The following ANKRD16 variants were observed in gnomAD, a reference collection of about 807,000 sequenced individuals.
ANKRD16 encodes the protein ankyrin repeat domain-containing protein 16.
ANKRD16 carries 35 observed loss-of-function variants against 37.9 expected under a neutral mutation model. That is an observed-to-expected ratio of 0.92 (90% confidence interval 0.71 to 1.23). The LOEUF (loss-of-function observed/expected upper bound fraction) is 1.23. Among genes scored for constraint, ANKRD16 ranks in the 50% most tolerant of loss-of-function variants. ANKRD16 has a pLI of 0.00. For missense variants in ANKRD16, 480 were observed against 469.9 expected, an observed-to-expected ratio of 1.02 and a Z score of -0.20; for synonymous variants, 206 against 197.2, an observed-to-expected ratio of 1.04 and a Z score of -0.37.
chr10:5,881,438 T>TTATAAAAATATATATATATATATA (rs1422263395), intron 5 of ANKRD16, among the ~76,000 whole-genome samples: 12 of 51,018 alleles, frequency 2.4e-4, no homozygotes, highest in South Asian at 6.2e-4. Flanking sequence ...AAAATATTAT[T>TTATAAAAATATATATATATATATA]TATATATATA....
chr10:5,870,744 C>T lies in ANKRD16; in HGVS notation c.*33+7353G>A, dbSNP rs1431054079. On this transcript the variant is annotated intron_variant, in intron 7 of 7. Transcript: ENST00000380094. This position sits in a 1 kb window ranked among gnomAD's most constrained non-coding sequence, Gnocchi z 5.0. ...CAGGGTGTCACTCCCCTTCAGGATGCTTTGGGCCTTCCAGAGTAGGAAGAG... is the reference window on the plus strand; with the variant it reads ...CAGGGTGTCACTCCCCTTCAGGATGTTTTGGGCCTTCCAGAGTAGGAAGAG... Among the ~76,000 whole-genome samples, 2 of 152,152 alleles carry T rather than the reference C, an allele frequency of 1.3e-5. No homozygotes were observed. The highest frequency in any genetic ancestry group is 4.8e-5 in the African/African-American group (2 of 41,422).
intron 7 of ANKRD16, among the ~76,000 whole-genome samples, chr10:5,872,750 A>T (rs147327944): frequency 1.8e-4 from 27 of 151,294 alleles, no homozygotes; most frequent in Non-Finnish European, 2.8e-4. Flanking sequence ...TAGAGACGGG[A>T]TTTCACCGTG....
chr10:5,866,854 G>A lies in ANKRD16; in HGVS notation c.*34-4163C>T, dbSNP rs1420035187. 2.0e-5 allele frequency among the ~76,000 whole-genome samples: 3 copies of A among 151,750 alleles called. 1 individual carries two copies. The highest frequency in any genetic ancestry group is 4.2e-4 in the South Asian group (2 of 4,798). Reference sequence around the variant, plus strand: ...GACAGAGAGAGGAAGAGACAGAGAGGCTGAAAGTCAAAGAGAGAAGGAGAG... The same window carrying A: ...GACAGAGAGAGGAAGAGACAGAGAGACTGAAAGTCAAAGAGAGAAGGAGAG... On this transcript the variant is annotated intron_variant, in intron 7 of 7. Coordinates refer to ENST00000380094, the MANE Select transcript of ANKRD16 (RefSeq NM_019046.3). This position sits in a 1 kb window ranked among gnomAD's most constrained non-coding sequence, Gnocchi z 4.3.
chr10:5,879,185 C>A (rs1842239797), intron 6 of ANKRD16, among the ~76,000 whole-genome samples: 1 of 151,930 alleles, frequency 6.6e-6, no homozygotes, highest in Admixed American at 6.6e-5. Context: ...TCAGAAAGAT[C>A]CCACTAGGCC....
At chr10:5,888,986 C>T (rs970409732) in intron 1 of ANKRD16, 55 bp downstream of exon 1, 26 of 1,462,334 alleles carry the variant, frequency 1.8e-5, no homozygotes, top group Non-Finnish European at 2.3e-5. Context: ...ACAGGGAACT[C>T]GCTACGACTC....
At position 5,869,980 on chromosome 10, in the gene ANKRD16, A is replaced by C. The variant is rs866160280; in HGVS notation, c.*34-7289T>G. 2.0e-5 allele frequency among the ~76,000 whole-genome samples: 3 copies of C among 151,962 alleles called. No homozygotes were observed. Among genetic ancestry groups the C allele is most frequent in the Non-Finnish European group, 4.4e-5 (3 of 67,990 alleles). On this transcript the variant is annotated intron_variant, in intron 7 of 7. Transcript: ENST00000380094. The surrounding 1 kb of genome is among the most constrained non-coding windows in gnomAD (Gnocchi z 4.0). ...ACCCCTGGACTCTCTCCCTCTGAGA[A>C]TCTGCATTTTTCTTTTTTTCAGGAT... is the stretch of plus-strand genomic sequence containing the variant.
At position 5,864,974 on chromosome 10, in the gene ANKRD16, C is replaced by G. The variant is rs772728876; in HGVS notation, c.*34-2283G>C. The stretch of plus-strand genomic sequence containing the variant: ...TTATTATCCAATCAGCCACAGATAT[C>G]AGGAGAGAGCTCCAAAAGCGAGCCC... On this transcript the variant is annotated intron_variant, in intron 7 of 7. Transcript: ENST00000380094. The surrounding 1 kb of genome is among the most constrained non-coding windows in gnomAD (Gnocchi z 4.4). Among the ~76,000 whole-genome samples, 2 of 152,168 alleles carry G rather than the reference C, an allele frequency of 1.3e-5. No individual in the cohort carries two copies. The highest frequency in any genetic ancestry group is 2.4e-5 in the African/African-American group (1 of 41,440).
Position 5,871,858 on chromosome 10 carries a change from C to G in ANKRD16, c.*33+6239G>C, listed in dbSNP as rs781132178. On this transcript the variant is annotated intron_variant, in intron 7 of 7. Transcript: ENST00000380094. This position sits in a 1 kb window ranked among gnomAD's most constrained non-coding sequence, Gnocchi z 4.5. Reference sequence around the variant, plus strand: ...CGGAGAAAACTACTGTCCTGTCAAACTGCTTTCTTCTTTCCTTTCCTTCAC... The same window carrying G: ...CGGAGAAAACTACTGTCCTGTCAAAGTGCTTTCTTCTTTCCTTTCCTTCAC... Among the ~76,000 whole-genome samples the G allele has an allele frequency of 6.6e-6, 1 of 152,332 alleles. No homozygotes were observed. The highest frequency in any genetic ancestry group is 1.5e-5 in the Non-Finnish European group (1 of 68,032).
Position 5,887,896 on chromosome 10 carries a change from A to C in ANKRD16, c.486T>G (p.Gly162=). The C allele has an allele frequency of 6.2e-7, 1 of 1,614,196 alleles. No homozygotes were observed. The highest frequency in any genetic ancestry group is 8.5e-7 in the Non-Finnish European group (1 of 1,180,026). The change falls in exon 2 of 8, where the codon GGT becomes GGG. Residue 162 remains glycine (G), a synonymous_variant. Coordinates refer to ENST00000380094, the MANE Select transcript of ANKRD16 (RefSeq NM_019046.3). The stretch of plus-strand genomic sequence containing the variant: ...TAATTTTGCTCTCTGTCTTCCAGGC[A>C]CCTGGGCAAACAGTGAGCAGGTACT... ...ILQYLLTVCP[G]AWKTESKIRR... is the part of the protein sequence containing the mutation.
intron 6 of ANKRD16, among the ~76,000 whole-genome samples, chr10:5,879,504 A>G (rs1340831489): frequency 6.6e-6 from 1 of 152,054 alleles, no homozygotes; most frequent in Admixed American, 6.6e-5. Flanking sequence ...CCCTTGCAAG[A>G]TGGCCTTTGG....
rs1841995565 is a variant in ANKRD16, at chr10:5,865,192, G to A, written c.*34-2501C>T. Among the ~76,000 whole-genome samples the A allele has an allele frequency of 6.6e-6, 1 of 152,206 alleles. No homozygotes were observed. The highest frequency in any genetic ancestry group is 1.5e-5 in the Non-Finnish European group (1 of 68,038). On this transcript the variant is annotated intron_variant, in intron 7 of 7. Coordinates refer to ENST00000380094, the MANE Select transcript of ANKRD16 (RefSeq NM_019046.3). The surrounding 1 kb of genome is among the most constrained non-coding windows in gnomAD (Gnocchi z 4.7). ...AATGGAGCAGGCCAATCACCTGGTAGGGCTTGTTACCAGTGTGGTTTGCAA... is the reference window on the plus strand; with the variant it reads ...AATGGAGCAGGCCAATCACCTGGTAAGGCTTGTTACCAGTGTGGTTTGCAA...
chr10:5,884,916 T>C (rs1327038894), intron 3 of ANKRD16, among the ~76,000 whole-genome samples: 2 of 152,210 alleles, frequency 1.3e-5, no homozygotes, highest in Non-Finnish European at 2.9e-5. Flanking sequence ...AATGGTCCCT[T>C]GCCTCCCGCT....
chr10:5,872,706 G>A (rs181626629), intron 7 of ANKRD16, among the ~76,000 whole-genome samples: 91 of 150,482 alleles, frequency 6.0e-4, no homozygotes, highest in African/African-American at 1.2e-3. Flanking sequence ...ACAGGCGCCC[G>A]CCACCACACC....
At position 5,878,125 on chromosome 10, in the gene ANKRD16, C is replaced by T. The variant is rs1842212891; in HGVS notation, c.*5G>A. 6.2e-7 allele frequency: 1 copy of T among 1,612,304 alleles called. No individual in the cohort carries two copies. The highest frequency in any genetic ancestry group is 2.2e-5 in the East Asian group (1 of 44,838). On this transcript the variant is annotated 3_prime_UTR_variant, in exon 7 of 8. Transcript: ENST00000380094. This position sits in a 1 kb window ranked among gnomAD's most constrained non-coding sequence, Gnocchi z 5.1. ...GCACTTTATTGCCTCCTCTTGGAAA[C>T]ATCCTTATGTCATTGCGCTATGGCC...
chr10:5,871,379 T>C lies in ANKRD16; in HGVS notation c.*33+6718A>G, dbSNP rs573795655. On this transcript the variant is annotated intron_variant, in intron 7 of 7. Coordinates refer to ENST00000380094, the MANE Select transcript of ANKRD16 (RefSeq NM_019046.3). This position sits in a 1 kb window ranked among gnomAD's most constrained non-coding sequence, Gnocchi z 4.5. Reference sequence around the variant, plus strand: ...TCTAGCCTGGGCGACAGAGCTAGACTCCAACTCAAATAAATAAATAAATAA... The same window carrying C: ...TCTAGCCTGGGCGACAGAGCTAGACCCCAACTCAAATAAATAAATAAATAA... 9.8e-4 allele frequency among the ~76,000 whole-genome samples: 138 copies of C among 140,214 alleles called. No individual in the cohort carries two copies. Among genetic ancestry groups the C allele is most frequent in the African/African-American group, 3.3e-3 (125 of 38,324 alleles). The allele number at this position is 140,214 out of a possible 152,430, so 92.0% of individuals were successfully genotyped here. A position where few individuals can be genotyped will look rare whatever the true frequency, so the allele number is the denominator to read the frequency against.
In ANKRD16 at chr10:5,889,187, C is replaced by G; in HGVS notation, c.168G>C (p.Leu56=). 1 of 1,597,844 alleles carries G rather than the reference C, an allele frequency of 6.3e-7. No homozygotes were observed. The highest frequency in any genetic ancestry group is 1.1e-5 in the South Asian group (1 of 90,934). Residue 56 remains leucine (L), a synonymous_variant, in exon 1 of 8, where the codon CTG becomes CTC. Coordinates refer to ENST00000380094, the MANE Select transcript of ANKRD16 (RefSeq NM_019046.3). ...CGATGTCCATGCCCCAGGCCTCGGC[C>G]AGATAGGCCAGCACGTCCCGATGCC... ...RHGHRDVLAY[L]AEAWGMDIEA... is the part of the protein sequence containing the mutation.
Position 5,863,572 on chromosome 10 carries a change from G to T in ANKRD16, c.*34-881C>A, listed in dbSNP as rs1282225583. Among the ~76,000 whole-genome samples the T allele has an allele frequency of 1.3e-5, 2 of 152,058 alleles. No individual in the cohort carries two copies. The highest frequency in any genetic ancestry group is 2.4e-5 in the African/African-American group (1 of 41,384). ...AGGACGTGGGCGGGGACAAATAAGAGAATAAAAGCTGGCCACCCCCTGCCA... is the reference window on the plus strand; with the variant it reads ...AGGACGTGGGCGGGGACAAATAAGATAATAAAAGCTGGCCACCCCCTGCCA... On this transcript the variant is annotated intron_variant, in intron 7 of 7. Transcript: ENST00000380094. This position sits in a 1 kb window ranked among gnomAD's most constrained non-coding sequence, Gnocchi z 4.7.
intron 3 of ANKRD16, 89 bp from the exon 4 acceptor site, chr10:5,884,166 G>A (rs957650090): frequency 1.6e-5 from 15 of 963,616 alleles, no homozygotes; most frequent in Non-Finnish European, 2.1e-5. Flanking sequence ...CAGGTGAACT[G>A]CGTGTGTGCA....
chr10:5,872,619 C>A (rs544400228), intron 7 of ANKRD16, among the ~76,000 whole-genome samples: 1 of 139,402 alleles, frequency 7.2e-6, no homozygotes, highest in Admixed American at 7.1e-5. Context: ...TGCAGTGGCG[C>A]GATCTCAGCT....
Sources: allele counts gnomAD v4.1 joint callset (sites outside exome capture counted in the v4.1 genomes callset), GRCh38; gene constraint gnomAD v4.1.1; non-coding constraint Gnocchi (gnomAD v3.1); transcripts MANE v1.5; gene names NCBI Gene and HGNC (gene_info 2026-07-23, HGNC 2026-07-21).